Variants in TMEM184B observed in about 807,000 individuals in gnomAD.
TMEM184B encodes transmembrane protein 184B.
In TMEM184B, 17 loss-of-function variants were observed where a neutral mutation model predicts 41.8. That is an observed-to-expected ratio of 0.41 (90% CI 0.28 to 0.61). TMEM184B has a LOEUF of 0.61. Ranked by LOEUF, TMEM184B falls within the 20% of genes least tolerant of loss-of-function variation. The probability of loss-of-function intolerance (pLI) is 0.34; values close to 1 mark genes in which losing one functional copy is unlikely to be tolerated. For missense variants in TMEM184B, 393 were observed against 557.8 expected (o/e 0.70, Z 2.98); for synonymous variants, 240 against 229.5 (o/e 1.05, Z -0.41).
At chr22:38,268,783 G>A (rs5995562) in intron 1 of TMEM184B, among the ~76,000 whole-genome samples, 76,033 of 152,136 alleles carry the variant, frequency 0.5, 20,284 homozygotes, top group South Asian at 0.65. Context: ...TTCCCTAAGA[G>A]CCCCCAGGAC....
intron 8 of TMEM184B, among the ~76,000 whole-genome samples, chr22:38,224,260 A>G (rs1050930683): frequency 7.2e-5 from 11 of 151,848 alleles, no homozygotes; most frequent in Admixed American, 1.3e-4. Context: ...GACTACAAGC[A>G]CCCGCCACCA....
At chr22:38,248,675 C>T (rs2092096099) in intron 1 of TMEM184B, among the ~76,000 whole-genome samples, 1 of 152,236 alleles carries the variant, frequency 6.6e-6, no homozygotes, top group South Asian at 2.1e-4. Context: ...GTTCCCCCCA[C>T]CCCACCTAGA....
rs777863582 is a variant in TMEM184B, at chr22:38,256,977, G to GTTTT, written c.-58-8962_-58-8959dup. 6.9e-4 allele frequency among the ~76,000 whole-genome samples: 86 copies of GTTTT among 124,282 alleles called. 1 individual carries two copies. The highest frequency in any genetic ancestry group is 2.4e-3 in the African/African-American group (77 of 32,100). The allele number at this position is 124,282 out of a possible 152,430, so 81.5% of individuals were successfully genotyped here. On this transcript the variant is annotated intron_variant, in intron 1 of 8. Coordinates refer to ENST00000361906, the MANE Select transcript of TMEM184B (RefSeq NM_012264.5). ...CAAAGCCTGGAAGTGGACATTAATAGTTTTTTTTTTTTTTTTTTTTTGAGA... is the reference window on the plus strand; with the variant it reads ...CAAAGCCTGGAAGTGGACATTAATAGTTTTTTTTTTTTTTTTTTTTTTTTTGAGA...
Position 38,226,166 on chromosome 22 carries a change from G to A in TMEM184B, c.618-573C>T, listed in dbSNP as rs1382227565. 6.6e-5 allele frequency among the ~76,000 whole-genome samples: 10 copies of A among 150,890 alleles called. No individual in the cohort carries two copies. The highest frequency in any genetic ancestry group is 1.0e-4 in the Non-Finnish European group (7 of 67,898). ...GTGATCTTGGCTCACCGCAACCTCT[G>A]CCTCCTGGGTTCAAGCGATTCTCCT... On this transcript the variant is annotated intron_variant, in intron 6 of 8. Coordinates refer to ENST00000361906, the MANE Select transcript of TMEM184B (RefSeq NM_012264.5). The surrounding 1 kb of genome is among the most constrained non-coding windows in gnomAD (Gnocchi z 4.6).
intron 3 of TMEM184B, 38 bp downstream of exon 3, chr22:38,245,897 C>A: frequency 8.2e-7 from 1 of 1,218,720 alleles, no homozygotes; most frequent in Non-Finnish European, 1.2e-6. Context: ...AGCCCCCCAG[C>A]CCCCCGCCAG....
In TMEM184B at chr22:38,221,200, G is replaced by A. The variant is rs1387570105; in HGVS notation, c.*269C>T. 1 of 1,313,710 alleles carries A rather than the reference G, an allele frequency of 7.6e-7. No individual in the cohort carries two copies. Among genetic ancestry groups the A allele is most frequent in the East Asian group, 3.2e-5 (1 of 31,528 alleles). The allele number at this position is 1,313,710 out of a possible 1,614,324, so 81.4% of individuals were successfully genotyped here. On this transcript the variant is annotated 3_prime_UTR_variant, in exon 9 of 9. Coordinates refer to ENST00000361906, the MANE Select transcript of TMEM184B (RefSeq NM_012264.5). ...CCCAGCATGCCCCCAGCACAGGACGGGCAGCAGGGGCATAAGCCTTGCTCC... is the reference window on the plus strand; with the variant it reads ...CCCAGCATGCCCCCAGCACAGGACGAGCAGCAGGGGCATAAGCCTTGCTCC...
In TMEM184B at chr22:38,219,646, C is replaced by T; in HGVS notation, c.*1823G>A. 1.0e-6 allele frequency: 1 copy of T among 985,484 alleles called. No individual in the cohort carries two copies. Among genetic ancestry groups the T allele is most frequent in the Non-Finnish European group, 1.2e-6 (1 of 829,946 alleles). The allele number at this position is 985,484 out of a possible 1,614,324, so 61.0% of individuals were successfully genotyped here. ...ACCGCTGATTCCCTGCCACTGAGCT[C>T]CCCCCACCCTCCACGCAAACAGCAA... On this transcript the variant is annotated 3_prime_UTR_variant, in exon 9 of 9. Transcript: ENST00000361906.
intron 1 of TMEM184B, among the ~76,000 whole-genome samples, chr22:38,250,059 C>A (rs1218175816): frequency 6.6e-6 from 1 of 152,268 alleles, no homozygotes; most frequent in African/African-American, 2.4e-5. Flanking sequence ...CCCCGACCGT[C>A]TCGGTCTGAA....
intron 1 of TMEM184B, among the ~76,000 whole-genome samples, chr22:38,262,426 C>A (rs371935775): frequency 6.6e-6 from 1 of 152,042 alleles, no homozygotes; most frequent in Admixed American, 6.6e-5. Context: ...CTGCTCTGGA[C>A]GGAAAGGCAG....
chr22:38,235,064 T>C (rs2091739273), intron 3 of TMEM184B, among the ~76,000 whole-genome samples: 1 of 152,180 alleles, frequency 6.6e-6, no homozygotes, highest in Non-Finnish European at 1.5e-5. Flanking sequence ...CTCCAATGAC[T>C]ACCGGAGGGC....
chr22:38,245,408 G>A (rs368018253), intron 3 of TMEM184B, among the ~76,000 whole-genome samples: 7 of 145,412 alleles, frequency 4.8e-5, no homozygotes, highest in Non-Finnish European at 7.6e-5. Flanking sequence ...ATTGAGAAGC[G>A]AGACCCAGGG....
rs550866563 is a variant in TMEM184B, at chr22:38,246,182, C to T, written c.193-82G>A. On this transcript the variant is annotated intron_variant, in intron 2 of 8. Coordinates refer to ENST00000361906, the MANE Select transcript of TMEM184B (RefSeq NM_012264.5). ...GCAGGTGGGCTTCCAGCTCTGCCAC[C>T]GACTCATCTGTGACCCGATGCACGT... is the stretch of plus-strand genomic sequence containing the variant. 3.6e-5 allele frequency: 55 copies of T among 1,522,754 alleles called. 1 individual carries two copies. In the African/African-American group the frequency reaches 5.2e-4, roughly 14 times the overall value. 94.3% of individuals were successfully genotyped at this position (1,522,754 alleles called of 1,614,324 possible). A position where few individuals can be genotyped will look rare whatever the true frequency, so the allele number is the denominator to read the frequency against.
At chr22:38,218,812 G>T (rs1422009460), downstream of TMEM184B, among the ~76,000 whole-genome samples, 2 of 152,218 alleles carry the variant, frequency 1.3e-5, no homozygotes, top group Non-Finnish European at 2.9e-5. Flanking sequence ...GCTCCCGTCA[G>T]CAGCAAGCCA....
Position 38,220,504 on chromosome 22 carries a change from C to T in TMEM184B, c.*965G>A. ...CCCAGCTCCCCACTGTGTGGCCACC[C>T]CTCCCGGTCTCCCTGCCGGACTGCC... On this transcript the variant is annotated 3_prime_UTR_variant, in exon 9 of 9. Transcript: ENST00000361906. 1.0e-6 allele frequency: 1 copy of T among 985,968 alleles called. No homozygotes were observed. Among genetic ancestry groups the T allele is most frequent in the South Asian group, 4.7e-5 (1 of 21,288 alleles). 61.1% of individuals were successfully genotyped at this position (985,968 alleles called of 1,614,324 possible).
chr22:38,249,640 T>C (rs2092119116), intron 1 of TMEM184B, among the ~76,000 whole-genome samples: 1 of 152,122 alleles, frequency 6.6e-6, no homozygotes. Context: ...AAGTGAGCCT[T>C]CTCCACACAC....
At chr22:38,242,719 G>A (rs2091939275) in intron 3 of TMEM184B, among the ~76,000 whole-genome samples, 1 of 152,228 alleles carries the variant, frequency 6.6e-6, no homozygotes, top group Non-Finnish European at 1.5e-5. Context: ...ACCCAGAGCA[G>A]TGGTGCAGGG....
intron 1 of TMEM184B, among the ~76,000 whole-genome samples, chr22:38,263,930 G>A (rs1033208384): frequency 7.2e-5 from 11 of 152,104 alleles, no homozygotes; most frequent in African/African-American, 2.2e-4. Context: ...TCAGCCTCCC[G>A]AGTAGCTGGG....
intron 3 of TMEM184B, among the ~76,000 whole-genome samples, chr22:38,244,618 G>A (rs763270305): frequency 5.3e-5 from 8 of 152,140 alleles, no homozygotes; most frequent in Admixed American, 2.6e-4. Flanking sequence ...CATTATGCCC[G>A]GATAATTTTG....
chr22:38,242,980 T>C (rs2091946342), intron 3 of TMEM184B, among the ~76,000 whole-genome samples: 1 of 145,302 alleles, frequency 6.9e-6, no homozygotes, highest in African/African-American at 2.6e-5. Flanking sequence ...GGGAATCACT[T>C]GAACCTAGGA....
Sources: allele counts gnomAD v4.1 joint callset (sites outside exome capture counted in the v4.1 genomes callset), GRCh38; gene constraint gnomAD v4.1.1; non-coding constraint Gnocchi (gnomAD v3.1); transcripts MANE v1.5; gene names NCBI Gene and HGNC (gene_info 2026-07-23, HGNC 2026-07-21).